The following CATSPERZ variants were observed in gnomAD, a reference collection of about 807,000 sequenced individuals.
CATSPERZ encodes the protein cation channel sperm-associated auxiliary subunit zeta.
A neutral mutation model predicts 21.7 loss-of-function variants in CATSPERZ; 21 were observed. That is an observed-to-expected ratio of 0.97 (90% CI 0.69 to 1.39). The LOEUF is 1.39. CATSPERZ is among the 40% of genes most tolerant of loss of function. The pLI, the probability that CATSPERZ is intolerant of heterozygous loss-of-function variation, is 0.00. For missense variants in CATSPERZ, 234 were observed against 259.5 expected (o/e 0.90, Z 0.68); for synonymous variants, 127 against 108.7 (o/e 1.17, Z -1.05).
intron 2 of CATSPERZ, among the ~76,000 whole-genome samples, chr11:64,301,988 G>T (rs1410568770): frequency 6.6e-6 from 1 of 152,128 alleles, no homozygotes; most frequent in Non-Finnish European, 1.5e-5. Flanking sequence ...TGTTTTTAAT[G>T]GAATCATCCC....
In CATSPERZ at chr11:64,300,741, C is replaced by T. The variant is rs1265214129; in HGVS notation, c.106C>T (p.Leu36=). 2 of 1,551,844 alleles carry T rather than the reference C, an allele frequency of 1.3e-6. No individual in the cohort carries two copies. Among genetic ancestry groups the T allele is most frequent in the East Asian group, 4.9e-5 (2 of 41,036 alleles). The change falls in exon 2 of 5, where the codon CTG becomes TTG. Residue 36 remains leucine, a synonymous_variant. Coordinates refer to ENST00000328404, the MANE Select transcript of CATSPERZ (RefSeq NM_001039496.2). Reference sequence around the variant, plus strand: ...TCGGGACCTGTGGACCACGACCACGCTGTCCCAGGCACAGCTGAACATGCC... The same window carrying T: ...TCGGGACCTGTGGACCACGACCACGTTGTCCCAGGCACAGCTGAACATGCC... The part of the protein sequence containing the change: ...DTRDLWTTTT[L]SQAQLNMPLS...
chr11:64,300,994 G>A lies in CATSPERZ; in HGVS notation c.352+7G>A, dbSNP rs1223811531. On this transcript the variant is annotated splice_region_variant and intron_variant, in intron 2 of 4. Transcript: ENST00000328404. ...GCATCCCAGATCGAGGCCGGTCAGTGTGGCCTCGCCAGGCCGTGGGCACCC... is the reference window on the plus strand; with the variant it reads ...GCATCCCAGATCGAGGCCGGTCAGTATGGCCTCGCCAGGCCGTGGGCACCC... The A allele has an allele frequency of 2.0e-6, 3 of 1,523,504 alleles. No individual in the cohort carries two copies. Among genetic ancestry groups the A allele is most frequent in the African/African-American group, 2.7e-5 (2 of 72,968 alleles). 94.4% of individuals were successfully genotyped at this position (1,523,504 alleles called of 1,614,324 possible). A position where few individuals can be genotyped will look rare whatever the true frequency, so the allele number is the denominator to read the frequency against.
chr11:64,302,313 C>T (rs1208976990), intron 2 of CATSPERZ, among the ~76,000 whole-genome samples: 4 of 152,208 alleles, frequency 2.6e-5, no homozygotes, highest in Non-Finnish European at 4.4e-5. Flanking sequence ...CGGGGTCTCA[C>T]TCTGTCGCCC....
intron 2 of CATSPERZ, among the ~76,000 whole-genome samples, chr11:64,302,515 C>T (rs1042743879): frequency 2.6e-5 from 4 of 152,002 alleles, no homozygotes; most frequent in South Asian, 2.1e-4. Context: ...CTCCTGACCT[C>T]GTGATCCGCC....
intron 2 of CATSPERZ, among the ~76,000 whole-genome samples, chr11:64,303,089 G>A (rs1249664079): frequency 2.1e-5 from 3 of 146,332 alleles, no homozygotes; most frequent in Non-Finnish European, 3.0e-5. Flanking sequence ...TAGTAGAGAC[G>A]GGGGTTTCAC....
chr11:64,304,507 C>A, intron 4 of CATSPERZ, 36 bp from the exon 5 acceptor site: 1 of 1,520,890 alleles, frequency 6.6e-7, no homozygotes, highest in Non-Finnish European at 8.9e-7. Context: ...CTTTCGGTTG[C>A]TCACTGCCCT....
At chr11:64,301,800 C>T (rs2034931786) in intron 2 of CATSPERZ, among the ~76,000 whole-genome samples, 1 of 152,002 alleles carries the variant, frequency 6.6e-6, no homozygotes, top group Non-Finnish European at 1.5e-5. Context: ...CCCCACCACC[C>T]CGAGCTGGGA....
Position 64,300,374 on chromosome 11 carries a change from C to G in CATSPERZ, c.-37C>G, listed in dbSNP as rs369586049. The stretch of plus-strand genomic sequence containing the variant: ...TGGAGCGTTGACTCCCTTCTCGTCT[C>G]GAGGCCTGTGGCGTCTGGGTCCGTT... On this transcript the variant is annotated 5_prime_UTR_variant, in exon 1 of 5. Coordinates refer to ENST00000328404, the MANE Select transcript of CATSPERZ (RefSeq NM_001039496.2). 2 of 1,422,104 alleles carry G rather than the reference C, an allele frequency of 1.4e-6. No homozygotes were observed. Among genetic ancestry groups the G allele is most frequent in the East Asian group, 3.9e-5 (1 of 25,850 alleles). 88.1% of individuals were successfully genotyped at this position (1,422,104 alleles called of 1,614,324 possible).
In CATSPERZ at chr11:64,300,836, C is replaced by T; in HGVS notation, c.201C>T (p.Ser67=). Residue 67 remains serine (S), a synonymous_variant, in exon 2 of 5, where the codon AGC becomes AGT. Transcript: ENST00000328404. ...TTAGCAAGACCCGCGGGTGGCACAG[C>T]CCGGGGCGGGGCTCGTTGGACGAGG... ...RNISKTRGWH[S]PGRGSLDEGY... is the part of the protein sequence containing the mutation. The T allele has an allele frequency of 1.3e-6, 2 of 1,561,004 alleles. No individual in the cohort carries two copies. Among genetic ancestry groups the T allele is most frequent in the Non-Finnish European group, 1.7e-6 (2 of 1,153,686 alleles).
intron 2 of CATSPERZ, among the ~76,000 whole-genome samples, chr11:64,301,230 A>G (rs2034920457): frequency 6.6e-6 from 1 of 152,220 alleles, no homozygotes; most frequent in South Asian, 2.1e-4. Context: ...GGAAGGACGC[A>G]CCAAATAAAT....
chr11:64,302,115 T>C (rs1426988084), intron 2 of CATSPERZ, among the ~76,000 whole-genome samples: 1 of 152,222 alleles, frequency 6.6e-6, no homozygotes, highest in Non-Finnish European at 1.5e-5. Context: ...TGCTGGGCAC[T>C]GTCTGGCACC....
intron 2 of CATSPERZ, among the ~76,000 whole-genome samples, chr11:64,301,802 G>A (rs1009967364): frequency 6.6e-6 from 1 of 151,888 alleles, no homozygotes; most frequent in Admixed American, 6.6e-5. Flanking sequence ...CCACCACCCC[G>A]AGCTGGGAGG....
rs1389866402 is a variant in CATSPERZ at position 64,300,823 on chromosome 11, G to C, written c.188G>C (p.Arg63Pro). The change falls in exon 2 of 5, where the codon CGC becomes CCC. Residue 63 changes from arginine (R) to proline (P), a missense_variant. Arg to Pro is a moderately radical substitution (Grantham distance 103, BLOSUM62 -2). Coordinates refer to ENST00000328404, the MANE Select transcript of CATSPERZ (RefSeq NM_001039496.2). ...DEEGRNISKT[R>P]GWHSPGRGSL... ...GAGGGCCGCAACATTAGCAAGACCC[G>C]CGGGTGGCACAGCCCGGGGCGGGGC... The C allele has an allele frequency of 6.4e-7, 1 of 1,560,642 alleles. No individual in the cohort carries two copies. The highest frequency in any genetic ancestry group is 1.4e-5 in the African/African-American group (1 of 73,654).
intron 1 of CATSPERZ, 94 bp downstream of exon 1, chr11:64,300,525 T>C (rs2034904059): frequency 6.5e-7 from 1 of 1,548,398 alleles, no homozygotes; most frequent in Non-Finnish European, 8.8e-7. Context: ...CAGCCTTGGC[T>C]GCCCGCAGCC....
chr11:64,304,310 C>T (rs1001840955), intron 4 of CATSPERZ, among the ~76,000 whole-genome samples: 1 of 152,156 alleles, frequency 6.6e-6, no homozygotes, highest in Non-Finnish European at 1.5e-5. Context: ...TCGCTACCAC[C>T]GCCCTAGTTC....
chr11:64,300,473 C>A (rs2034902762), intron 1 of CATSPERZ, 42 bp downstream of exon 1: 1 of 1,565,938 alleles, frequency 6.4e-7, no homozygotes, highest in African/African-American at 1.4e-5. Context: ...CCGCTCCAAC[C>A]CACCCTTGGT....
rs1418856908 is a variant in CATSPERZ, at chr11:64,304,656, C to A, written c.*10C>A. 4 of 1,558,014 alleles carry A rather than the reference C, an allele frequency of 2.6e-6. No individual in the cohort carries two copies. The highest frequency in any genetic ancestry group is 1.2e-5 in the South Asian group (1 of 84,560). The stretch of plus-strand genomic sequence containing the variant: ...GCTGTACGTGAATTAAAAACGCCAC[C>A]TTGGGCTCGAGCAGCGACCCGAACC... On this transcript the variant is annotated 3_prime_UTR_variant, in exon 5 of 5. Coordinates refer to ENST00000328404, the MANE Select transcript of CATSPERZ (RefSeq NM_001039496.2).
intron 2 of CATSPERZ, 130 bp downstream of exon 2, chr11:64,301,117 C>G: frequency 1.1e-6 from 1 of 941,852 alleles, no homozygotes; most frequent in Non-Finnish European, 1.5e-6. Flanking sequence ...GGAGAGGCGC[C>G]CGCGCCAATC....
chr11:64,304,640 G>C lies in CATSPERZ; in HGVS notation c.597G>C (p.Val199=). Residue 199 remains valine (V), a synonymous_variant, in exon 5 of 5, where the codon GTG becomes GTC. Coordinates refer to ENST00000328404, the MANE Select transcript of CATSPERZ (RefSeq NM_001039496.2). ...LKKRRSKRLY[V]N ...AGCGCCGGAGCAAGAGGCTGTACGT[G>C]AATTAAAAACGCCACCTTGGGCTCG... 2 of 1,567,852 alleles carry C rather than the reference G, an allele frequency of 1.3e-6. No homozygotes were observed. The highest frequency in any genetic ancestry group is 1.7e-6 in the Non-Finnish European group (2 of 1,157,240).
Sources: allele counts gnomAD v4.1 joint callset (sites outside exome capture counted in the v4.1 genomes callset), GRCh38; gene constraint gnomAD v4.1.1; transcripts MANE v1.5; gene names NCBI Gene and HGNC (gene_info 2026-07-23, HGNC 2026-07-21).